CACNG8: variants seen among roughly 807,000 people sequenced by gnomAD.
CACNG8 encodes the protein voltage-dependent calcium channel gamma-8 subunit.
In CACNG8, 5 loss-of-function variants were observed where a neutral mutation model predicts 26.9. The observed-to-expected ratio is 0.19, with a 90% confidence interval of 0.10 to 0.39. The LOEUF is 0.39. Ranked by LOEUF, CACNG8 falls within the 10% of genes least tolerant of loss-of-function variation. The probability of loss-of-function intolerance (pLI) is 1.00; values close to 1 mark genes in which losing one functional copy is unlikely to be tolerated. For synonymous variants in CACNG8, 321 were observed against 296.7 expected (o/e 1.08, Z -0.84); for missense variants, 473 against 609.4 (o/e 0.78, Z 2.36).
At chr19:53,980,144 G>A (rs1031914865) in intron 3 of CACNG8, 137 bp downstream of exon 3, 25 of 962,410 alleles carry the variant, frequency 2.6e-5, no homozygotes, top group African/African-American at 2.5e-4. Flanking sequence ...ACCTTGCCCC[G>A]AGCACCCCCG....
intron 3 of CACNG8, 86 bp downstream of exon 3, chr19:53,980,093 C>T: frequency 3.0e-6 from 4 of 1,351,516 alleles, no homozygotes; most frequent in Middle Eastern, 2.1e-4. Context: ...TGTGCGCGCG[C>T]GCGCGTGAGT....
intron 1 of CACNG8, among the ~76,000 whole-genome samples, chr19:53,964,615 T>C (rs1448636620): frequency 6.6e-6 from 1 of 152,234 alleles, no homozygotes; most frequent in South Asian, 2.1e-4. Context: ...TCCTCTGTCC[T>C]GTTCTCCCTC....
chr19:53,973,792 C>CTCCA (rs2069315735), intron 1 of CACNG8, among the ~76,000 whole-genome samples: 1 of 152,080 alleles, frequency 6.6e-6, no homozygotes, highest in Non-Finnish European at 1.5e-5. Flanking sequence ...AGCCATTGCA[C>CTCCA]TCCAGCCTGG....
In CACNG8 at chr19:53,983,556, G is replaced by A. The variant is rs2069388653; in HGVS notation, c.*707G>A. On this transcript the variant is annotated 3_prime_UTR_variant, in exon 4 of 4. Coordinates refer to ENST00000270458, the MANE Select transcript of CACNG8 (RefSeq NM_031895.6). ...CGTGCAGGAGGCAGGAAAACAGCCA[G>A]GGGCCCCGACGTCTCATAGAGTAAA... 1 of 152,222 alleles carries A rather than the reference G, an allele frequency of 6.6e-6. No individual in the cohort carries two copies. The highest frequency in any genetic ancestry group is 2.4e-5 in the African/African-American group (1 of 41,444). 9.4% of individuals were successfully genotyped at this position (152,222 alleles called of 1,614,324 possible).
chr19:53,966,667 T>C (rs972243757), intron 1 of CACNG8, among the ~76,000 whole-genome samples: 4 of 152,210 alleles, frequency 2.6e-5, no homozygotes, highest in African/African-American at 9.7e-5. Flanking sequence ...GTGTTGGGAT[T>C]ACAGATGTCA....
At chr19:53,981,269 G>A (rs1264963170) in intron 3 of CACNG8, among the ~76,000 whole-genome samples, 1 of 152,152 alleles carries the variant, frequency 6.6e-6, no homozygotes, top group Non-Finnish European at 1.5e-5. Context: ...GGTTTATAAC[G>A]TTAAGGGTGG....
chr19:53,978,856 G>A (rs2069346423), intron 2 of CACNG8, among the ~76,000 whole-genome samples: 1 of 139,940 alleles, frequency 7.1e-6, no homozygotes, highest in South Asian at 2.7e-4. Context: ...ACGAAGTCAG[G>A]CCTAAAGGGG....
rs1334340490 is a variant in CACNG8 at position 53,985,558 on chromosome 19, G to A, written c.*2709G>A. ...GGATGCCGGAGCGGGTGTTAAAAGA[G>A]ACAAATCTGGCCGGGTGCTGTGGCT... On this transcript the variant is annotated 3_prime_UTR_variant, in exon 4 of 4. Coordinates refer to ENST00000270458, the MANE Select transcript of CACNG8 (RefSeq NM_031895.6). 1 of 152,170 alleles carries A rather than the reference G, an allele frequency of 6.6e-6. No individual in the cohort carries two copies. Among genetic ancestry groups the A allele is most frequent in the African/African-American group, 2.4e-5 (1 of 41,434 alleles). 9.4% of individuals were successfully genotyped at this position (152,170 alleles called of 1,614,324 possible).
Position 53,979,958 on chromosome 19 carries a change from G to A in CACNG8, c.459G>A (p.Lys153=), listed in dbSNP as rs2069354359. 6.2e-7 allele frequency: 1 copy of A among 1,612,984 alleles called. No individual in the cohort carries two copies. Among genetic ancestry groups the A allele is most frequent in the Non-Finnish European group, 8.5e-7 (1 of 1,179,554 alleles). ...GCGTGGCGGCCTCCCGCGTCTACAA[G>A]TCCAAGAGGAACATCATTCTGGGCG... Residue 153 remains lysine, a synonymous_variant, in exon 3 of 4, where the codon AAG becomes AAA. Transcript: ENST00000270458.
At position 53,982,762 on chromosome 19, in the gene CACNG8, G is replaced by C; in HGVS notation, c.1191G>C (p.Ala397=). Residue 397 remains alanine, a synonymous_variant, in exon 4 of 4, where the codon GCG becomes GCC. Coordinates refer to ENST00000270458, the MANE Select transcript of CACNG8 (RefSeq NM_031895.6). The surrounding 1 kb of genome is among the most constrained non-coding windows in gnomAD (Gnocchi z 8.4). ...CCCCGCCCGCGCCCGCGCCACCCGC[G>C]CCCTCTGCGCCCGCCCCCGGGACCC... The C allele has an allele frequency of 8.0e-7, 1 of 1,244,990 alleles. No homozygotes were observed. Among genetic ancestry groups the C allele is most frequent in the Admixed American group, 4.1e-5 (1 of 24,130 alleles). 77.1% of individuals were successfully genotyped at this position (1,244,990 alleles called of 1,614,324 possible). A position where few individuals can be genotyped will look rare whatever the true frequency, so the allele number is the denominator to read the frequency against.
At chr19:53,965,840 G>T (rs892112839) in intron 1 of CACNG8, among the ~76,000 whole-genome samples, 4 of 152,110 alleles carry the variant, frequency 2.6e-5, no homozygotes, top group South Asian at 2.1e-4. Flanking sequence ...TCTAGGAAAA[G>T]CTTCCCCGAG....
At chr19:53,980,085 T>TGTGTGTGCGCGC in intron 3 of CACNG8, 78 bp downstream of exon 3, 1 of 985,326 alleles carries the variant, frequency 1.0e-6, no homozygotes, top group East Asian at 3.6e-5. Context: ...TGTGTGTGTG[T>TGTGTGTGCGCGC]GCGCGCGCGC....
Position 53,963,174 on chromosome 19 carries a change from G to A in CACNG8, c.32G>A (p.Arg11Gln). The A allele has an allele frequency of 6.4e-7, 1 of 1,566,314 alleles. No homozygotes were observed. The change falls in exon 1 of 4, where the codon CGG (arginine) becomes CAG (glutamine). Residue 11 changes from arginine (R) to glutamine (Q), a missense_variant. Transcript: ENST00000270458. ...TCGCTGAAGCGCTGGAACGAAGAGC[G>A]GGGCCTCTGGTGCGAGAAGGGGGTG...
intron 1 of CACNG8, among the ~76,000 whole-genome samples, chr19:53,969,097 G>A (rs1330789728): frequency 3.9e-5 from 6 of 151,958 alleles, no homozygotes; most frequent in Admixed American, 1.3e-4. Context: ...TCCACATCCC[G>A]GGTTCAAGCA....
At chr19:53,964,291 C>T (rs952298866) in intron 1 of CACNG8, among the ~76,000 whole-genome samples, 1 of 151,600 alleles carries the variant, frequency 6.6e-6, no homozygotes, top group Non-Finnish European at 1.5e-5. Context: ...TTCCCCTTCT[C>T]TTTGGCTGCT....
chr19:53,980,261 G>T (rs1333640916), intron 3 of CACNG8, among the ~76,000 whole-genome samples: 1 of 152,112 alleles, frequency 6.6e-6, no homozygotes, highest in Non-Finnish European at 1.5e-5. Context: ...ACACAGGCAG[G>T]TGTCTGGCGC....
At position 53,982,236 on chromosome 19, in the gene CACNG8, T is replaced by G. The variant is rs763758389; in HGVS notation, c.665T>G (p.Leu222Arg). ...ATCCTGGCCGAGGTGATAGGCGTGC[T>G]GGCCGTCAACATCTACATCGAGCGC... is the stretch of plus-strand genomic sequence containing the variant. The change falls in exon 4 of 4, where the codon CTG (leucine) becomes CGG (arginine). Residue 222 changes from leucine to arginine, a missense_variant. Transcript: ENST00000270458. The surrounding 1 kb of genome is among the most constrained non-coding windows in gnomAD (Gnocchi z 8.4). 1 of 1,612,994 alleles carries G rather than the reference T, an allele frequency of 6.2e-7. No homozygotes were observed. Among genetic ancestry groups the G allele is most frequent in the Admixed American group, 1.7e-5 (1 of 59,980 alleles).
In CACNG8 at chr19:53,963,429, G is replaced by A. The variant is rs756466739; in HGVS notation, c.283+4G>A. On this transcript the variant is annotated splice_donor_region_variant and intron_variant, in intron 1 of 3. Coordinates refer to ENST00000270458, the MANE Select transcript of CACNG8 (RefSeq NM_031895.6). ...TGGAGGATCTGCTGCCTGGAAGGTA[G>A]GGTGCGGGCGGCCCTCCCCGCAGCC... 2.1e-6 allele frequency: 3 copies of A among 1,444,320 alleles called. No individual in the cohort carries two copies. The highest frequency in any genetic ancestry group is 5.6e-5 in the East Asian group (2 of 35,990). The allele number at this position is 1,444,320 out of a possible 1,614,324, so 89.5% of individuals were successfully genotyped here. A position where few individuals can be genotyped will look rare whatever the true frequency, so the allele number is the denominator to read the frequency against.
intron 1 of CACNG8, among the ~76,000 whole-genome samples, chr19:53,968,463 T>C (rs555849980): frequency 6.6e-6 from 1 of 151,034 alleles, no homozygotes; most frequent in Admixed American, 6.6e-5. Context: ...TTTCGGCCAG[T>C]CTACTATTAA....
Sources: allele counts gnomAD v4.1 joint callset (sites outside exome capture counted in the v4.1 genomes callset), GRCh38; gene constraint gnomAD v4.1.1; non-coding constraint Gnocchi (gnomAD v3.1); transcripts MANE v1.5; gene names NCBI Gene and HGNC (gene_info 2026-07-23, HGNC 2026-07-21).